The following LAMTOR4 variants were observed in gnomAD, a reference collection of about 807,000 sequenced individuals.
LAMTOR4 encodes ragulator complex protein LAMTOR4.
Under a neutral mutation model 13.5 loss-of-function variants are expected in LAMTOR4, and 11 were observed. The observed-to-expected ratio is 0.82, with a 90% confidence interval of 0.51 to 1.35. LAMTOR4 has a LOEUF of 1.35. LAMTOR4 is among the 40% of genes most tolerant of loss of function. LAMTOR4 has a pLI of 0.00. For missense variants in LAMTOR4, 128 were observed against 126.2 expected (o/e 1.01, Z -0.07); for synonymous variants, 69 against 52.3 (o/e 1.32, Z -1.38).
chr7:100,153,693 G>A (rs1214085689), intron 3 of LAMTOR4, 174 bp from the exon 4 acceptor site: 1 of 753,952 alleles, frequency 1.3e-6, no homozygotes, highest in Admixed American at 2.0e-5. Flanking sequence ...CAAGAGAAAG[G>A]AGATCTAGCA....
At chr7:100,153,260 TG>T (rs2116949999) in intron 2 of LAMTOR4, 139 bp from the exon 3 acceptor site, 2 of 669,940 alleles carry the variant, frequency 3.0e-6, no homozygotes, top group East Asian at 5.0e-5. Flanking sequence ...GATTTCAGGT[TG>T]TTTTTTTCCA....
intron 2 of LAMTOR4, among the ~76,000 whole-genome samples, chr7:100,151,257 TAGAG>T (rs971800417): frequency 1.3e-5 from 2 of 151,192 alleles, no homozygotes; most frequent in African/African-American, 4.9e-5. Context: ...GTATTTTTAG[TAGAG>T]AGAGGGTTTC....
chr7:100,151,709 T>A lies in LAMTOR4; in HGVS notation c.85-1691T>A, dbSNP rs377034679. 1.8e-4 allele frequency among the ~76,000 whole-genome samples: 28 copies of A among 151,792 alleles called. No homozygotes were observed. The East Asian group carries it at 5.2e-3, about 28-fold the overall frequency. On this transcript the variant is annotated intron_variant, in intron 2 of 3. Transcript: ENST00000341942. ...CGTCCTGTTTTTTTGTTTGTTTGTT[T>A]TTTTTTAAGATAGAGTCTCGCCGTC...
At chr7:100,152,340 T>C (rs1321910721) in intron 2 of LAMTOR4, among the ~76,000 whole-genome samples, 1 of 152,120 alleles carries the variant, frequency 6.6e-6, no homozygotes, top group African/African-American at 2.4e-5. Context: ...AGGCAGAGGT[T>C]GCAGTGAGCC....
chr7:100,150,947 C>G (rs950687515), intron 2 of LAMTOR4, among the ~76,000 whole-genome samples: 2 of 150,638 alleles, frequency 1.3e-5, no homozygotes, highest in African/African-American at 4.9e-5. Flanking sequence ...CGAGATCACA[C>G]CACTGTACTC....
In LAMTOR4 at chr7:100,154,098, C is replaced by T. The variant is rs1030897064; in HGVS notation, c.*134C>T. The T allele has an allele frequency of 1.6e-5, 11 of 693,736 alleles. No individual in the cohort carries two copies. The highest frequency in any genetic ancestry group is 4.3e-5 in the Admixed American group (2 of 46,102). 43.0% of individuals were successfully genotyped at this position (693,736 alleles called of 1,614,324 possible). ...CGCCCACCTCCCACCCCTACCTGGA[C>T]GGGCCCAGGCTTGGGGACTCTGAGC... is the stretch of plus-strand genomic sequence containing the variant. On this transcript the variant is annotated 3_prime_UTR_variant, in exon 4 of 4. Transcript: ENST00000341942.
chr7:100,151,059 G>A (rs914878640), intron 2 of LAMTOR4, among the ~76,000 whole-genome samples: 3 of 151,690 alleles, frequency 2.0e-5, no homozygotes, highest in African/African-American at 2.4e-5. Context: ...GGAGAGAAGA[G>A]TTTTGTTTTT....
rs777462671 is a variant in LAMTOR4 at position 100,153,745 on chromosome 7, ACTT to A, written c.203-118_203-116del. 7 of 792,798 alleles carry A rather than the reference ACTT, an allele frequency of 8.8e-6. No individual in the cohort carries two copies. The East Asian group carries it at 1.1e-4, about 12-fold the overall frequency. 49.1% of individuals were successfully genotyped at this position (792,798 alleles called of 1,614,324 possible). A position where few individuals can be genotyped will look rare whatever the true frequency, so the allele number is the denominator to read the frequency against. The stretch of plus-strand genomic sequence containing the variant: ...AAATCTCTGAGCCTGGAACTATAGA[ACTT>A]CTTTGGCTTTGATCCCAGCCAATGT... On this transcript the variant is annotated intron_variant, in intron 3 of 3. Transcript: ENST00000341942.
At chr7:100,149,145 G>A (rs1798618853) in intron 1 of LAMTOR4, 170 bp downstream of exon 1, 2 of 845,082 alleles carry the variant, frequency 2.4e-6, no homozygotes, top group Non-Finnish European at 3.6e-6. Context: ...CTGGGGAGGG[G>A]TCTGTGGGAG....
In LAMTOR4 at chr7:100,153,994, G is replaced by A. The variant is rs371016997; in HGVS notation, c.*30G>A. 6.0e-4 allele frequency: 918 copies of A among 1,526,632 alleles called. No individual in the cohort carries two copies. Among genetic ancestry groups the A allele is most frequent in the Non-Finnish European group, 7.1e-4 (798 of 1,121,500 alleles). The allele number at this position is 1,526,632 out of a possible 1,614,324, so 94.6% of individuals were successfully genotyped here. ...GCCGGAGGGCGAGGGTCGGAGAAGC[G>A]GATTGGGTCCTGGGCCTCTGTGATG... On this transcript the variant is annotated 3_prime_UTR_variant, in exon 4 of 4. Coordinates refer to ENST00000341942, the MANE Select transcript of LAMTOR4 (RefSeq NM_001008395.4).
intron 2 of LAMTOR4, among the ~76,000 whole-genome samples, chr7:100,150,377 T>C (rs1372452455): frequency 6.6e-6 from 1 of 151,820 alleles, no homozygotes; most frequent in Non-Finnish European, 1.5e-5. Context: ...TTCCGGGAGG[T>C]AGGAATTCAG....
At chr7:100,149,698 T>A in intron 2 of LAMTOR4, 119 bp downstream of exon 2, 1 of 736,490 alleles carries the variant, frequency 1.4e-6, no homozygotes, top group Non-Finnish European at 2.3e-6. Context: ...ATTAGGTTGG[T>A]ACAAAAGTAT....
chr7:100,153,947 G>A lies in LAMTOR4; in HGVS notation c.283G>A (p.Glu95Lys). 1.9e-6 allele frequency: 3 copies of A among 1,588,762 alleles called. No homozygotes were observed. Among genetic ancestry groups the A allele is most frequent in the Non-Finnish European group, 2.6e-6 (3 of 1,167,958 alleles). The change falls in exon 4 of 4, where the codon GAG (glutamate) becomes AAG (lysine). Residue 95 changes from glutamate (E) to lysine (K), a missense_variant. Glu to Lys is a moderately conservative substitution (Grantham distance 56). Coordinates refer to ENST00000341942, the MANE Select transcript of LAMTOR4 (RefSeq NM_001008395.4). ...GGTGAAGAGGCAGAACCGAGGTCGGGAGCCCATTGATGTCTGAGCCTGCCG... is the reference window on the plus strand; with the variant it reads ...GGTGAAGAGGCAGAACCGAGGTCGGAAGCCCATTGATGTCTGAGCCTGCCG... ...FVVKRQNRGR[E>K]PIDV
chr7:100,149,050 C>A, intron 1 of LAMTOR4, 75 bp downstream of exon 1: 1 of 1,546,878 alleles, frequency 6.5e-7, no homozygotes, highest in South Asian at 1.2e-5. Flanking sequence ...GTGGTTTCCC[C>A]CTGGTGGGCC....
At chr7:100,153,767 C>A in intron 3 of LAMTOR4, 100 bp from the exon 4 acceptor site, 1 of 874,524 alleles carries the variant, frequency 1.1e-6, no homozygotes, top group South Asian at 1.4e-5. Flanking sequence ...TTGATCCCAG[C>A]CAATGTGCGT....
rs1798810367 is a variant in LAMTOR4 at position 100,154,054 on chromosome 7, A to T, written c.*90A>T. On this transcript the variant is annotated 3_prime_UTR_variant, in exon 4 of 4. Transcript: ENST00000341942. ...CACCTGTCGGTCTTGGCTTGCTGCT[A>T]GAACTAGGGCCTTCTGCTCGCCCAC... 1.0e-6 allele frequency: 1 copy of T among 985,984 alleles called. No homozygotes were observed. Among genetic ancestry groups the T allele is most frequent in the African/African-American group, 1.6e-5 (1 of 61,888 alleles). The allele number at this position is 985,984 out of a possible 1,614,324, so 61.1% of individuals were successfully genotyped here.
rs1202165315 is a variant in LAMTOR4, at chr7:100,153,944, C to G, written c.280C>G (p.Arg94Gly). Residue 94 changes from arginine to glycine, a missense_variant, in exon 4 of 4, where the codon CGG (arginine) becomes GGG (glycine). Physicochemically the swap from Arg to Gly is moderately radical, Grantham distance 125. Transcript: ENST00000341942. ...VFVVKRQNRG[R>G]EPIDV ...TGTGGTGAAGAGGCAGAACCGAGGTCGGGAGCCCATTGATGTCTGAGCCTG... is the reference window on the plus strand; with the variant it reads ...TGTGGTGAAGAGGCAGAACCGAGGTGGGGAGCCCATTGATGTCTGAGCCTG... 9 of 1,590,062 alleles carry G rather than the reference C, an allele frequency of 5.7e-6. No individual in the cohort carries two copies. Among genetic ancestry groups the G allele is most frequent in the Non-Finnish European group, 7.7e-6 (9 of 1,168,754 alleles).
At chr7:100,153,370 C>A in intron 2 of LAMTOR4, 30 bp from the exon 3 acceptor site, 1 of 1,490,376 alleles carries the variant, frequency 6.7e-7, no homozygotes, top group Non-Finnish European at 9.3e-7. Context: ...CCGTAATGCC[C>A]GCCCCTCTCC....
intron 2 of LAMTOR4, among the ~76,000 whole-genome samples, chr7:100,150,418 G>A (rs1238569168): frequency 6.6e-6 from 1 of 152,154 alleles, no homozygotes; most frequent in East Asian, 1.9e-4. Context: ...TTACAGTGGG[G>A]GAGGACTTAT....
Sources: allele counts gnomAD v4.1 joint callset (sites outside exome capture counted in the v4.1 genomes callset), GRCh38; gene constraint gnomAD v4.1.1; transcripts MANE v1.5; gene names NCBI Gene and HGNC (gene_info 2026-07-23, HGNC 2026-07-21).